DYNLL1: variants seen among roughly 807,000 people sequenced by gnomAD.
DYNLL1 encodes the protein dynein light chain LC8-type 1.
A neutral mutation model predicts 10.1 loss-of-function variants in DYNLL1; 3 were observed. That is an observed-to-expected ratio of 0.30 (90% confidence interval 0.14 to 0.77). The LOEUF is 0.77. Among genes scored for constraint, DYNLL1 ranks in the 30% least tolerant of loss-of-function variants. DYNLL1 has a pLI of 0.66. For missense variants in DYNLL1, 47 were observed against 111.7 expected (o/e 0.42, Z 2.61); for synonymous variants, 46 against 41.2 (o/e 1.12, Z -0.45).
chr12:120,496,244 T>A (rs1868391178), intron 1 of DYNLL1, 28 bp downstream of exon 1: 1 of 933,824 alleles, frequency 1.1e-6, no homozygotes, highest in East Asian at 2.6e-5. Flanking sequence ...CCAGGGGGTG[T>A]CCTCGCTGCC....
At chr12:120,471,022 G>T (rs1052052349) in intron 1 of DYNLL1, among the ~76,000 whole-genome samples, 2 of 151,172 alleles carry the variant, frequency 1.3e-5, no homozygotes, top group Non-Finnish European at 2.9e-5. Context: ...TTCAGCCTGG[G>T]TGACAGAGTG....
At chr12:120,470,970 G>A (rs763035113) in intron 1 of DYNLL1, among the ~76,000 whole-genome samples, 61 of 152,042 alleles carry the variant, frequency 4.0e-4, no homozygotes, top group Non-Finnish European at 6.8e-4. Context: ...GCTTGAGCCC[G>A]GGAGGCGAAG....
intron 1 of DYNLL1, among the ~76,000 whole-genome samples, chr12:120,487,552 G>A (rs184130941): frequency 5.4e-4 from 82 of 152,156 alleles, no homozygotes; most frequent in African/African-American, 1.9e-3. Flanking sequence ...TTTATTGAGT[G>A]CACTCAGGCC....
At chr12:120,496,270 C>A in intron 1 of DYNLL1, 54 bp downstream of exon 1, 1 of 1,240,316 alleles carries the variant, frequency 8.1e-7, no homozygotes, top group African/African-American at 1.5e-5. Context: ...TCGCCCCACT[C>A]CGGACTTAGC....
chr12:120,493,764 A>G (rs920474830), upstream of DYNLL1: 1 of 146,588 alleles, frequency 6.8e-6, no homozygotes, highest in Non-Finnish European at 1.5e-5. Context: ...GGCGCTCACC[A>G]CCACGCCCGG....
chr12:120,481,989 T>C (rs1053534215), intron 1 of DYNLL1, among the ~76,000 whole-genome samples: 1 of 152,162 alleles, frequency 6.6e-6, no homozygotes, highest in African/African-American at 2.4e-5. Flanking sequence ...GTTGGGATTA[T>C]GGGTGTAAGC....
At chr12:120,486,882 G>T (rs190241192) in intron 1 of DYNLL1, among the ~76,000 whole-genome samples, 1 of 152,186 alleles carries the variant, frequency 6.6e-6, no homozygotes, top group East Asian at 1.9e-4. Flanking sequence ...CACTTCAGTG[G>T]CCCTCTGATC....
In DYNLL1 at chr12:120,477,803, T is replaced by TA. The variant is rs1305563316; in HGVS notation, c.-7+7699_-7+7700insA. Among the ~76,000 whole-genome samples, 577 of 150,930 alleles carry TA rather than the reference T, an allele frequency of 3.8e-3. 4 individuals carry two copies. Among genetic ancestry groups the TA allele is most frequent in the Middle Eastern group, 0.02 (6 of 294 alleles). On this transcript the variant is annotated intron_variant, in intron 1 of 2. Transcript: ENST00000392509. ...AAAATAAAGTAAAAATATATATATATTTTTTTTTCTGAGACAGAGTTTCGC... is the reference window on the plus strand; with the variant it reads ...AAAATAAAGTAAAAATATATATATATATTTTTTTTCTGAGACAGAGTTTCGC...
At chr12:120,485,414 C>A (rs1827712748) in intron 1 of DYNLL1, among the ~76,000 whole-genome samples, 1 of 151,970 alleles carries the variant, frequency 6.6e-6, no homozygotes, top group Admixed American at 6.5e-5. Flanking sequence ...CACCACCACA[C>A]CCAGCCAATT....
At chr12:120,486,941 T>A (rs1268925112) in intron 1 of DYNLL1, among the ~76,000 whole-genome samples, 1 of 151,734 alleles carries the variant, frequency 6.6e-6, no homozygotes, top group Non-Finnish European at 1.5e-5. Context: ...TTCAGGAGGA[T>A]GAGAGAGAGA....
At chr12:120,482,113 A>G (rs1878891946) in intron 1 of DYNLL1, among the ~76,000 whole-genome samples, 2 of 152,164 alleles carry the variant, frequency 1.3e-5, no homozygotes, top group Admixed American at 1.3e-4. Flanking sequence ...ACTGTCTACA[A>G]ACTGATTCTA....
intron 1 of DYNLL1, among the ~76,000 whole-genome samples, chr12:120,478,965 G>A (rs1184064263): frequency 2.2e-4 from 33 of 148,430 alleles, no homozygotes; most frequent in African/African-American, 7.9e-4. Context: ...GATTACAGGC[G>A]TGAGCCACCG....
chr12:120,487,636 G>C (rs962883630), intron 1 of DYNLL1, among the ~76,000 whole-genome samples: 2 of 152,128 alleles, frequency 1.3e-5, no homozygotes, highest in African/African-American at 2.4e-5. Flanking sequence ...CTTCACAAAA[G>C]GGGGTGGGCT....
chr12:120,485,413 A>G lies in DYNLL1; in HGVS notation c.-6-11003A>G, dbSNP rs1188229637. ...TGAGATTACAGGCGCCCACCACCAC[A>G]CCCAGCCAATTTTTGTATTTTTAGT... On this transcript the variant is annotated intron_variant, in intron 1 of 2. Transcript: ENST00000392509. 2.6e-5 allele frequency among the ~76,000 whole-genome samples: 4 copies of G among 151,346 alleles called. No homozygotes were observed. In the East Asian group the frequency reaches 7.9e-4, roughly 30 times the overall value.
chr12:120,477,176 G>A (rs1447876343), intron 1 of DYNLL1, among the ~76,000 whole-genome samples: 1 of 152,132 alleles, frequency 6.6e-6, no homozygotes, highest in Non-Finnish European at 1.5e-5. Context: ...TGATCCACCT[G>A]TCTTGGCTTC....
chr12:120,496,588 G>C (rs186134466), intron 2 of DYNLL1, 35 bp downstream of exon 2: 142 of 1,613,842 alleles, frequency 8.8e-5, no homozygotes, highest in Admixed American at 8.3e-5. Flanking sequence ...ACGCAGCCGG[G>C]AGCAGGGGGT....
rs188244834 is a variant in DYNLL1 at position 120,479,500 on chromosome 12, A to T, written c.-7+9396A>T. Among the ~76,000 whole-genome samples the T allele has an allele frequency of 2.4e-3, 362 of 150,180 alleles. 1 individual carries two copies. The highest frequency in any genetic ancestry group is 3.6e-3 in the Non-Finnish European group (242 of 67,520). On this transcript the variant is annotated intron_variant, in intron 1 of 2. Transcript: ENST00000392509. Reference sequence around the variant, plus strand: ...AATAATAATAATAATAATAAAATTTAAAAAGGCAATTATAACAAAATGAGA... The same window carrying T: ...AATAATAATAATAATAATAAAATTTTAAAAGGCAATTATAACAAAATGAGA...
chr12:120,496,274 A>G (rs1868392640), intron 1 of DYNLL1, 58 bp downstream of exon 1: 1 of 1,269,186 alleles, frequency 7.9e-7, no homozygotes, highest in Non-Finnish European at 1.1e-6. Flanking sequence ...CCCACTCCGG[A>G]CTTAGCCCTC....
In DYNLL1 at chr12:120,496,230, G is replaced by T; in HGVS notation, c.-7+14G>T. ...CCCTTCTCCACGGTGAGAAACTCGG[G>T]GGGCCAGGGGGTGTCCTCGCTGCCT... On this transcript the variant is annotated intron_variant, in intron 1 of 2. Transcript: ENST00000242577. 4.9e-6 allele frequency: 4 copies of T among 809,828 alleles called. No homozygotes were observed. Among genetic ancestry groups the T allele is most frequent in the Non-Finnish European group, 7.7e-6 (4 of 519,228 alleles). 50.2% of individuals were successfully genotyped at this position (809,828 alleles called of 1,614,324 possible).
Sources: allele counts gnomAD v4.1 joint callset (sites outside exome capture counted in the v4.1 genomes callset), GRCh38; gene constraint gnomAD v4.1.1; transcripts MANE v1.5; gene names NCBI Gene and HGNC (gene_info 2026-07-23, HGNC 2026-07-21).